The following PRKN variants were observed in gnomAD, a reference collection of about 807,000 sequenced individuals.
The protein encoded by PRKN is E3 ubiquitin-protein ligase parkin.
Under a neutral mutation model 59.5 loss-of-function variants are expected in PRKN, and 56 were observed. The observed-to-expected ratio is 0.94, with a 90% CI of 0.76 to 1.18. PRKN has a LOEUF of 1.18. Among genes scored for constraint, PRKN ranks in the 50% most tolerant of loss-of-function variants. The pLI is 0.00. For missense variants in PRKN, 657 were observed against 596.4 expected (o/e 1.10, Z -1.06); for synonymous variants, 250 against 222.1 (o/e 1.13, Z -1.12).
At chr6:162,591,223 CT>C (rs34226311) in intron 1 of PRKN, among the ~76,000 whole-genome samples, 15,500 of 148,464 alleles carry the variant, frequency 0.1, 947 homozygotes, top group Middle Eastern at 0.19. Flanking sequence ...ATGATACTTT[CT>C]TTTTTTTTTG....
chr6:162,281,667 A>G (rs2128106502), intron 2 of PRKN, among the ~76,000 whole-genome samples: 1 of 152,338 alleles, frequency 6.6e-6, no homozygotes, highest in Admixed American at 6.5e-5. Flanking sequence ...TATGGTTTAA[A>G]TAGAAGAATT....
At chr6:162,418,191 G>C (rs957404004) in intron 2 of PRKN, among the ~76,000 whole-genome samples, 5 of 152,290 alleles carry the variant, frequency 3.3e-5, no homozygotes, top group African/African-American at 9.6e-5. Context: ...ATGAAGTGCA[G>C]ATTCATGCTA....
chr6:161,877,513 G>T (rs1434276207), intron 6 of PRKN, among the ~76,000 whole-genome samples: 4 of 149,832 alleles, frequency 2.7e-5, no homozygotes, highest in Non-Finnish European at 5.9e-5. Flanking sequence ...AGGCTGGAGT[G>T]CAGTGGCGCG....
intron 7 of PRKN, among the ~76,000 whole-genome samples, chr6:161,597,880 CAT>C (rs1371596859): frequency 6.6e-6 from 1 of 152,200 alleles, no homozygotes; most frequent in Non-Finnish European, 1.5e-5. Context: ...CACATACACA[CAT>C]GTGTGCGTAC....
In PRKN at chr6:161,372,758, A is replaced by C. The variant is rs1008139515; in HGVS notation, c.1168-12553T>G. Among the ~76,000 whole-genome samples the C allele has an allele frequency of 1.3e-5, 2 of 151,482 alleles. No homozygotes were observed. Among genetic ancestry groups the C allele is most frequent in the Non-Finnish European group, 2.9e-5 (2 of 67,950 alleles). ...TGATGCCGATGTCGCTAGCCTGCAG[A>C]GCTTCGGAGAACTACTGCTCGCAGA... On this transcript the variant is annotated intron_variant, in intron 10 of 11. Transcript: ENST00000366898. The surrounding 1 kb of genome is among the most constrained non-coding windows in gnomAD (Gnocchi z 4.2).
chr6:162,142,043 T>C (rs1318190117), intron 4 of PRKN, among the ~76,000 whole-genome samples: 1 of 152,184 alleles, frequency 6.6e-6, no homozygotes, highest in African/African-American at 2.4e-5. Flanking sequence ...CATGATCACT[T>C]ATATTAATAT....
intron 3 of PRKN, among the ~76,000 whole-genome samples, chr6:162,205,776 T>C (rs1742173191): frequency 6.6e-6 from 1 of 152,100 alleles, no homozygotes; most frequent in Admixed American, 6.6e-5. Flanking sequence ...ATAGCATATG[T>C]AGCCATTAGC....
At chr6:161,802,853 T>C (rs1791147819) in intron 6 of PRKN, among the ~76,000 whole-genome samples, 3 of 152,162 alleles carry the variant, frequency 2.0e-5, no homozygotes, top group Admixed American at 2.0e-4. Context: ...CCCCATCCAG[T>C]TGATGGTGAG....
At chr6:162,053,682 A>G (rs1182378603) in intron 5 of PRKN, among the ~76,000 whole-genome samples, 1 of 152,214 alleles carries the variant, frequency 6.6e-6, no homozygotes, top group East Asian at 1.9e-4. Context: ...AGCAGAAAAA[A>G]AAATCAATTT....
intron 1 of PRKN, among the ~76,000 whole-genome samples, chr6:162,475,565 G>T (rs1019722466): frequency 7.4e-6 from 1 of 134,912 alleles, no homozygotes; most frequent in Non-Finnish European, 1.6e-5. Flanking sequence ...GTGTATGCAT[G>T]TGAGTGTGTG....
chr6:161,623,407 A>G (rs769983001), intron 7 of PRKN, among the ~76,000 whole-genome samples: 127 of 152,364 alleles, frequency 8.3e-4, no homozygotes, highest in Non-Finnish European at 1.5e-3. Context: ...CCCTAGCAAC[A>G]CAAAAATATG....
intron 2 of PRKN, among the ~76,000 whole-genome samples, chr6:162,426,307 G>A (rs181811502): frequency 7.7e-4 from 117 of 152,210 alleles, no homozygotes; most frequent in Admixed American, 3.3e-3. Flanking sequence ...ATATGTCAAA[G>A]GTGTCCTTAT....
intron 3 of PRKN, among the ~76,000 whole-genome samples, chr6:162,221,270 T>C (rs538250439): frequency 1.3e-5 from 2 of 152,314 alleles, no homozygotes; most frequent in Admixed American, 1.3e-4. Context: ...TTGCTGCTAG[T>C]TGATGACACT....
chr6:162,359,079 A>AAAAAAAAAAAAAAATATATATATATAT (rs57265104), intron 2 of PRKN, among the ~76,000 whole-genome samples: 5 of 83,246 alleles, frequency 6.0e-5, no homozygotes, highest in African/African-American at 3.7e-4. Context: ...AAAAAAAAAA[A>AAAAAAAAAAAAAAATATATATATATAT]ATATATATAT....
chr6:162,621,463 C>T (rs1782659842), intron 1 of PRKN, among the ~76,000 whole-genome samples: 1 of 152,168 alleles, frequency 6.6e-6, no homozygotes, highest in Non-Finnish European at 1.5e-5. Context: ...TAATCCCAGC[C>T]AATCTTCCAC....
intron 3 of PRKN, among the ~76,000 whole-genome samples, chr6:162,261,184 T>G (rs764412656): frequency 1.8e-4 from 28 of 152,152 alleles, no homozygotes; most frequent in Non-Finnish European, 3.5e-4. Flanking sequence ...GACTCTGTCC[T>G]CCTCATCCTA....
At chr6:161,695,178 G>A (rs1785967276) in intron 7 of PRKN, among the ~76,000 whole-genome samples, 2 of 152,134 alleles carry the variant, frequency 1.3e-5, no homozygotes, top group South Asian at 4.2e-4. Flanking sequence ...TTGGTTAAGG[G>A]CAATAGAATT....
At chr6:161,714,782 A>G (rs1287139227) in intron 7 of PRKN, among the ~76,000 whole-genome samples, 1 of 152,194 alleles carries the variant, frequency 6.6e-6, no homozygotes, top group Non-Finnish European at 1.5e-5. Flanking sequence ...TGAAGATGGT[A>G]AGACACTTGT....
intron 3 of PRKN, among the ~76,000 whole-genome samples, chr6:162,255,103 A>AAAATC (rs1158043595): frequency 3.3e-5 from 5 of 150,776 alleles, no homozygotes; most frequent in Non-Finnish European, 5.9e-5. Context: ...AAAATAAAAT[A>AAAATC]AAATAAAATA....
Sources: gnomAD v4.1 joint callset for allele counts (sites outside exome capture counted in the v4.1 genomes callset) on GRCh38, gnomAD v4.1.1 for gene constraint, Gnocchi (gnomAD v3.1) non-coding constraint, MANE v1.5 for transcripts, NCBI Gene and HGNC (gene_info 2026-07-23, HGNC 2026-07-21) for gene names.